Variants in LNPEP observed in about 807,000 individuals in gnomAD.
LNPEP encodes the protein leucyl and cystinyl aminopeptidase.
LNPEP carries 64 observed loss-of-function variants against 120.6 expected under a neutral mutation model. The ratio of observed to expected loss-of-function variants is 0.53; its 90% confidence interval spans 0.43 to 0.65. The LOEUF (loss-of-function observed/expected upper bound fraction) is 0.65, where lower values mean the gene tolerates loss of function less well. Ranked by LOEUF, LNPEP falls within the 30% of genes least tolerant of loss-of-function variation. The probability of loss-of-function intolerance (pLI) is 0.00; values close to 1 mark genes in which losing one functional copy is unlikely to be tolerated. For missense variants in LNPEP, 1,057 were observed against 1,200.0 expected (o/e 0.88, Z 1.76); for synonymous variants, 435 against 425.4 (o/e 1.02, Z -0.28).
rs66769873 is a variant in LNPEP, at chr5:96,954,598, G to GTCTCTC, written c.19+18440_19+18445dup. On this transcript the variant is annotated intron_variant, in intron 1 of 17. Transcript: ENST00000231368. ...TTCCTCATTCTTCTCATTCTTGCAA[G>GTCTCTC]TCTCTCTCTCTCTCTCTCTCTATAT... 9.4e-5 allele frequency among the ~76,000 whole-genome samples: 10 copies of GTCTCTC among 106,404 alleles called. 2 individuals carry two copies. Among genetic ancestry groups the GTCTCTC allele is most frequent in the South Asian group, 2.7e-4 (1 of 3,648 alleles). 69.8% of individuals were successfully genotyped at this position (106,404 alleles called of 152,430 possible).
At chr5:97,021,204 T>C (rs1457310467) in intron 13 of LNPEP, among the ~76,000 whole-genome samples, 1 of 151,448 alleles carries the variant, frequency 6.6e-6, no homozygotes, top group East Asian at 1.9e-4. Flanking sequence ...ATCGTATCTG[T>C]ATATCACTTT....
intron 11 of LNPEP, among the ~76,000 whole-genome samples, chr5:97,009,554 C>G (rs1395548270): frequency 1.3e-5 from 2 of 152,084 alleles, no homozygotes; most frequent in African/African-American, 4.8e-5. Context: ...TTTTCTCTTC[C>G]TCTTCTTAGT....
intron 1 of LNPEP, among the ~76,000 whole-genome samples, chr5:96,968,833 A>G (rs1789791031): frequency 6.6e-6 from 1 of 152,080 alleles, no homozygotes; most frequent in Non-Finnish European, 1.5e-5. Context: ...TAACATGTGT[A>G]TGGTCTCACA....
At chr5:96,983,207 T>C (rs1790166739) in intron 2 of LNPEP, among the ~76,000 whole-genome samples, 1 of 152,180 alleles carries the variant, frequency 6.6e-6, no homozygotes, top group East Asian at 1.9e-4. Flanking sequence ...TCTCCTTATC[T>C]TCTAGTAGTG....
chr5:96,964,895 A>G (rs560452391), intron 1 of LNPEP, among the ~76,000 whole-genome samples: 1 of 152,178 alleles, frequency 6.6e-6, no homozygotes, highest in Non-Finnish European at 1.5e-5. Flanking sequence ...ACAAATCAAA[A>G]TGTATAAACT....
In LNPEP at chr5:96,969,651, G is replaced by C. The variant is rs115097587; in HGVS notation, c.20-9487G>C. 6.4e-3 allele frequency among the ~76,000 whole-genome samples: 974 copies of C among 151,952 alleles called. 4 individuals carry two copies. The highest frequency in any genetic ancestry group is 0.023 in the African/African-American group (948 of 41,486). ...AGTTTCTAGGAGAATATGAGTTAGAGCCGTCCACACTACTTTCCTGCCCTC... is the reference window on the plus strand; with the variant it reads ...AGTTTCTAGGAGAATATGAGTTAGACCCGTCCACACTACTTTCCTGCCCTC... On this transcript the variant is annotated intron_variant, in intron 1 of 17. Transcript: ENST00000231368.
At position 96,996,405 on chromosome 5, in the gene LNPEP, G is replaced by A. The variant is rs771522067; in HGVS notation, c.1423G>A (p.Val475Ile). Residue 475 changes from valine to isoleucine, a missense_variant, in exon 7 of 18, where the codon GTA (valine) becomes ATA (isoleucine). By Grantham distance (29) the Val-to-Ile change is conservative (BLOSUM62 3). Coordinates refer to ENST00000231368, the MANE Select transcript of LNPEP (RefSeq NM_005575.3). The part of the protein sequence containing the change: ...ELAHQWFGNL[V>I]TMKWWNDLWL... ...CTCCCCCCAGTGGTTTGGCAATCTG[G>A]TAACAATGAAGTGGTGGAATGACCT... 6.2e-7 allele frequency: 1 copy of A among 1,606,632 alleles called. No individual in the cohort carries two copies. The highest frequency in any genetic ancestry group is 8.5e-7 in the Non-Finnish European group (1 of 1,173,488).
In LNPEP at chr5:97,030,688, A is replaced by G. The variant is rs1202332750; in HGVS notation, c.*2155A>G. 3 of 143,326 alleles carry G rather than the reference A, an allele frequency of 2.1e-5. No individual in the cohort carries two copies. The highest frequency in any genetic ancestry group is 1.4e-4 in the Admixed American group (2 of 14,132). 8.9% of individuals were successfully genotyped at this position (143,326 alleles called of 1,614,324 possible). On this transcript the variant is annotated 3_prime_UTR_variant, in exon 18 of 18. Transcript: ENST00000231368. ...TGTGTGTAGTGTGGGGGGTATTGTT[A>G]TGAGTAAAACTTTATCAAAACTTGG...
intron 2 of LNPEP, among the ~76,000 whole-genome samples, chr5:96,980,223 A>C (rs1790092929): frequency 6.6e-6 from 1 of 152,186 alleles, no homozygotes; most frequent in Admixed American, 6.5e-5. Context: ...GATTATATCC[A>C]AAACTTGTTA....
At chr5:96,982,325 A>G (rs1790146245) in intron 2 of LNPEP, among the ~76,000 whole-genome samples, 1 of 152,216 alleles carries the variant, frequency 6.6e-6, no homozygotes, top group South Asian at 2.1e-4. Flanking sequence ...TGTCTTGAAC[A>G]CTACTTGATA....
Position 96,998,853 on chromosome 5 carries a change from A to G in LNPEP, c.1653+708A>G, listed in dbSNP as rs966624792. On this transcript the variant is annotated intron_variant, in intron 8 of 17. Coordinates refer to ENST00000231368, the MANE Select transcript of LNPEP (RefSeq NM_005575.3). ...TGGGACAGAATTTTTGCCTAGGATA[A>G]GGAAGAGAAACTTTTGGGAGGTAAA... is the stretch of plus-strand genomic sequence containing the variant. 6.6e-5 allele frequency among the ~76,000 whole-genome samples: 10 copies of G among 152,186 alleles called. No homozygotes were observed. The South Asian group carries it at 2.1e-3, about 32-fold the overall frequency.
chr5:97,036,938 T>A lies in LNPEP; in HGVS notation c.*8405T>A, dbSNP rs1333355950. 6.6e-6 allele frequency: 1 copy of A among 152,122 alleles called. No individual in the cohort carries two copies. The highest frequency in any genetic ancestry group is 1.5e-5 in the Non-Finnish European group (1 of 67,994). The allele number at this position is 152,122 out of a possible 1,614,324, so 9.4% of individuals were successfully genotyped here. A position where few individuals can be genotyped will look rare whatever the true frequency, so the allele number is the denominator to read the frequency against. On this transcript the variant is annotated 3_prime_UTR_variant, in exon 18 of 18. Coordinates refer to ENST00000231368, the MANE Select transcript of LNPEP (RefSeq NM_005575.3). Reference sequence around the variant, plus strand: ...GTGATATTTCTGAACAGTTCTTAATTTAAAATACTTCAAAGGAAGTAAAGG... The same window carrying A: ...GTGATATTTCTGAACAGTTCTTAATATAAAATACTTCAAAGGAAGTAAAGG...
At chr5:96,949,954 C>CCCT (rs1338267915) in intron 1 of LNPEP, among the ~76,000 whole-genome samples, 1 of 152,170 alleles carries the variant, frequency 6.6e-6, no homozygotes. Context: ...TCCATCCTCC[C>CCCT]CCTCACCTTT....
intron 1 of LNPEP, among the ~76,000 whole-genome samples, chr5:96,966,490 ACT>A (rs1371872649): frequency 6.8e-6 from 1 of 146,374 alleles, no homozygotes; most frequent in East Asian, 2.0e-4. Context: ...ACAGAGTGAG[ACT>A]CTGTCTTACA....
chr5:97,017,782 A>G (rs535945815), intron 13 of LNPEP, among the ~76,000 whole-genome samples: 37 of 152,326 alleles, frequency 2.4e-4, no homozygotes, highest in Non-Finnish European at 4.6e-4. Flanking sequence ...GTCTTAAAAT[A>G]ACAGAAATTT....
rs1442100835 is a variant in LNPEP at position 97,029,206 on chromosome 5, G to C, written c.*673G>C. The C allele has an allele frequency of 1.3e-5, 2 of 152,288 alleles. No individual in the cohort carries two copies. Among genetic ancestry groups the C allele is most frequent in the Non-Finnish European group, 2.9e-5 (2 of 68,024 alleles). 9.4% of individuals were successfully genotyped at this position (152,288 alleles called of 1,614,324 possible). A position where few individuals can be genotyped will look rare whatever the true frequency, so the allele number is the denominator to read the frequency against. Reference sequence around the variant, plus strand: ...TTGAAAAGCTAAACAAGGCCAAAAGGTTAAATTTTTTGAATATTTAAGACT... The same window carrying C: ...TTGAAAAGCTAAACAAGGCCAAAAGCTTAAATTTTTTGAATATTTAAGACT... On this transcript the variant is annotated 3_prime_UTR_variant, in exon 18 of 18. Transcript: ENST00000231368.
intron 1 of LNPEP, among the ~76,000 whole-genome samples, chr5:96,959,778 C>T (rs1258180206): frequency 1.3e-5 from 2 of 152,078 alleles, no homozygotes; most frequent in African/African-American, 2.4e-5. Flanking sequence ...ATTTTCTAAA[C>T]TTGGGAAGAT....
intron 1 of LNPEP, among the ~76,000 whole-genome samples, chr5:96,957,685 C>T (rs1789502961): frequency 6.6e-6 from 1 of 152,194 alleles, no homozygotes; most frequent in Admixed American, 6.5e-5. Context: ...CAGAAAGAAA[C>T]GGATTCTCTC....
intron 1 of LNPEP, among the ~76,000 whole-genome samples, chr5:96,946,676 A>C (rs1382241436): frequency 6.6e-6 from 1 of 152,250 alleles, no homozygotes; most frequent in African/African-American, 2.4e-5. Context: ...GTTAATGATA[A>C]GCAAACTGGC....
Sources: allele counts gnomAD v4.1 joint callset (sites outside exome capture counted in the v4.1 genomes callset), GRCh38; gene constraint gnomAD v4.1.1; transcripts MANE v1.5; gene names NCBI Gene and HGNC (gene_info 2026-07-23, HGNC 2026-07-21).